OR56A4: variants seen among roughly 807,000 people sequenced by gnomAD.
The protein encoded by OR56A4 is olfactory receptor 56A4.
OR56A4 carries 9 observed loss-of-function variants against 13.6 expected under a neutral mutation model. The ratio of observed to expected loss-of-function variants is 0.66; its 90% CI spans 0.40 to 1.15. OR56A4 has a LOEUF of 1.15. Ranked by LOEUF, OR56A4 falls within the 50% of genes most tolerant of loss-of-function variation. The pLI is 0.01. For synonymous variants in OR56A4, 167 were observed against 153.9 expected (o/e 1.08, Z -0.63); for missense variants, 380 against 375.9 (o/e 1.01, Z -0.09).
Position 6,001,867 on chromosome 11 carries a change from G to A in OR56A4, c.*184C>T. ...CCAGAAAAGGGAGGTTTCCTTTCAA[G>A]CAACAGAAAACAAAGATTCACAAAT... On this transcript the variant is annotated 3_prime_UTR_variant, in exon 3 of 3. Coordinates refer to ENST00000641156, the MANE Select transcript of OR56A4 (RefSeq NM_001005179.4). 1.7e-6 allele frequency: 1 copy of A among 573,506 alleles called. No homozygotes were observed. Among genetic ancestry groups the A allele is most frequent in the South Asian group, 4.1e-5 (1 of 24,390 alleles). The allele number at this position is 573,506 out of a possible 1,614,324, so 35.5% of individuals were successfully genotyped here.
chr11:6,003,086 G>C (rs1020102370), intron 2 of OR56A4, 58 bp from the exon 3 acceptor site: 3 of 1,606,138 alleles, frequency 1.9e-6, no homozygotes, highest in Admixed American at 1.7e-5. Flanking sequence ...ACGTAGTAGA[G>C]TGTGGGTTTC....
At chr11:6,004,401 T>C (rs1448065401) in intron 2 of OR56A4, among the ~76,000 whole-genome samples, 1 of 152,244 alleles carries the variant, frequency 6.6e-6, no homozygotes, top group East Asian at 1.9e-4. Flanking sequence ...GTAATCAGCA[T>C]AGCTACAATG....
chr11:6,002,606 G>C lies in OR56A4; in HGVS notation c.387C>G (p.Ile129Met). The C allele has an allele frequency of 1.9e-6, 3 of 1,614,216 alleles. No homozygotes were observed. The highest frequency in any genetic ancestry group is 2.5e-6 in the Non-Finnish European group (3 of 1,180,004). ...TAGACGGGTATCTCAATGGATGGCA[G>C]ATGGCCACATAACGGTCATAGGCCA... is the stretch of plus-strand genomic sequence containing the variant. ...MVMAYDRYVA[I>M]CHPLRYPSII... The change falls in exon 3 of 3, where the codon ATC becomes ATG. Residue 129 changes from isoleucine (I) to methionine (M), a missense_variant. Ile to Met is a conservative substitution (Grantham distance 10, BLOSUM62 1). Coordinates refer to ENST00000641156, the MANE Select transcript of OR56A4 (RefSeq NM_001005179.4).
Position 6,002,069 on chromosome 11 carries a change from G to T in OR56A4, c.924C>A (p.Asn308Lys). 6.3e-7 allele frequency: 1 copy of T among 1,594,098 alleles called. No individual in the cohort carries two copies. Among genetic ancestry groups the T allele is most frequent in the Non-Finnish European group, 8.5e-7 (1 of 1,170,948 alleles). ...RTKEIKQGIQ[N>K]LLKRL is the part of the protein sequence containing the mutation. ...TTTATTCTTACAACCTCTTCAGCAG[G>T]TTTTGGATTCCCTGCTTGATCTCCT... Residue 308 changes from asparagine to lysine, a missense_variant, in exon 3 of 3, where the codon AAC becomes AAA. Transcript: ENST00000641156.
intron 2 of OR56A4, 138 bp from the exon 3 acceptor site, chr11:6,003,166 CAAGT>C: frequency 6.6e-7 from 1 of 1,505,274 alleles, no homozygotes; most frequent in Non-Finnish European, 9.0e-7. Flanking sequence ...TATATTTAAC[CAAGT>C]ATGTATCATA....
In OR56A4 at chr11:6,002,912, C is replaced by G. The variant is rs768362201; in HGVS notation, c.81G>C (p.Gln27His). The change falls in exon 3 of 3, where the codon CAG (glutamine) becomes CAC (histidine). Residue 27 changes from glutamine (Q) to histidine (H), a missense_variant. Gln to His is a conservative substitution (Grantham distance 24). Coordinates refer to ENST00000641156, the MANE Select transcript of OR56A4 (RefSeq NM_001005179.4). ...GGCTGAGGGGCAGAGACAACCAGTG[C>G]TGCCAGCTCTGGAAGTTGGGGAAGC... ...LICFPNFQSW[Q>H]HWLSLPLSLL... 1.4e-5 allele frequency: 23 copies of G among 1,613,780 alleles called. No homozygotes were observed. Among genetic ancestry groups the G allele is most frequent in the Non-Finnish European group, 1.4e-5 (16 of 1,179,924 alleles).
In OR56A4 at chr11:6,000,843, A is replaced by G. The variant is rs1848208729; in HGVS notation, c.*1208T>C. ...TAGGGCTAGAATATAGCAGGTCTGT[A>G]ATAAAAAATGCTGTAACATATTAAA... is the stretch of plus-strand genomic sequence containing the variant. On this transcript the variant is annotated 3_prime_UTR_variant, in exon 3 of 3. Coordinates refer to ENST00000641156, the MANE Select transcript of OR56A4 (RefSeq NM_001005179.4). The G allele has an allele frequency of 6.6e-6, 1 of 152,212 alleles. No individual in the cohort carries two copies. Among genetic ancestry groups the G allele is most frequent in the African/African-American group, 2.4e-5 (1 of 41,454 alleles). 9.4% of individuals were successfully genotyped at this position (152,212 alleles called of 1,614,324 possible).
chr11:6,005,596 AT>A (rs1848252432), intron 2 of OR56A4, among the ~76,000 whole-genome samples: 1 of 152,226 alleles, frequency 6.6e-6, no homozygotes, highest in South Asian at 2.1e-4. Context: ...CTAAAACAAA[AT>A]GCCATAAACT....
rs778256994 is a variant in OR56A4, at chr11:6,002,968, T to C, written c.25A>G (p.Thr9Ala). Residue 9 changes from threonine (T) to alanine (A), a missense_variant, in exon 3 of 3, where the codon ACT becomes GCT. Thr to Ala is a moderately conservative substitution (Grantham distance 58). Transcript: ENST00000641156. Reference protein sequence around the residue: MASPSNDSTAPVSEFLLIC... With the variant: MASPSNDSAAPVSEFLLIC... ...AGGAGGAATTCAGAGACTGGGGCAG[T>C]GGAGTCATTGCTGGGAGATGCCATG... 4 of 1,614,044 alleles carry C rather than the reference T, an allele frequency of 2.5e-6. No homozygotes were observed. The highest frequency in any genetic ancestry group is 3.4e-6 in the Non-Finnish European group (4 of 1,179,946).
Position 6,002,012 on chromosome 11 carries a change from A to T in OR56A4, c.*39T>A. 6.7e-7 allele frequency: 1 copy of T among 1,493,404 alleles called. No individual in the cohort carries two copies. Among genetic ancestry groups the T allele is most frequent in the Non-Finnish European group, 8.9e-7 (1 of 1,121,492 alleles). 92.5% of individuals were successfully genotyped at this position (1,493,404 alleles called of 1,614,324 possible). ...TCCCTATTTCCCAATTTTCACTAACAATTAACAACTCTAAAGGTGGATCTA... is the reference window on the plus strand; with the variant it reads ...TCCCTATTTCCCAATTTTCACTAACTATTAACAACTCTAAAGGTGGATCTA... On this transcript the variant is annotated 3_prime_UTR_variant, in exon 3 of 3. Coordinates refer to ENST00000641156, the MANE Select transcript of OR56A4 (RefSeq NM_001005179.4).
At chr11:6,005,917 A>G (rs1456061926) in intron 2 of OR56A4, among the ~76,000 whole-genome samples, 1 of 152,236 alleles carries the variant, frequency 6.6e-6, no homozygotes, top group African/African-American at 2.4e-5. Context: ...CGAGGACACA[A>G]ACACTGAGAC....
intron 2 of OR56A4, 133 bp from the exon 3 acceptor site, chr11:6,003,161 T>A (rs186462970): frequency 6.6e-7 from 1 of 1,522,900 alleles, no homozygotes; most frequent in East Asian, 2.3e-5. Flanking sequence ...TCCCTTATAT[T>A]TAACCAAGTA....
At chr11:6,006,831 T>C (rs1848262821) in intron 1 of OR56A4, 87 bp downstream of exon 1, 1 of 152,266 alleles carries the variant, frequency 6.6e-6, no homozygotes, top group Admixed American at 6.5e-5. Context: ...GAGTTCTATA[T>C]CCTTTTCACA....
Position 6,002,559 on chromosome 11 carries a change from G to A in OR56A4, c.434C>T (p.Ala145Val), listed in dbSNP as rs1848223077. 1.2e-6 allele frequency: 2 copies of A among 1,614,240 alleles called. No homozygotes were observed. Among genetic ancestry groups the A allele is most frequent in the Non-Finnish European group, 8.5e-7 (1 of 1,180,042 alleles). ...YPSIITDQFV[A>V]RAVVFVIARN... ...GGCTATAACAAAGACCACGGCCCTA[G>A]CCACAAACTGGTCAGTGATGATAGA... is the stretch of plus-strand genomic sequence containing the variant. The change falls in exon 3 of 3, where the codon GCT (alanine) becomes GTT (valine). Residue 145 changes from alanine to valine, a missense_variant. By Grantham distance (64) the Ala-to-Val change is moderately conservative. Coordinates refer to ENST00000641156, the MANE Select transcript of OR56A4 (RefSeq NM_001005179.4).
intron 2 of OR56A4, 68 bp from the exon 3 acceptor site, chr11:6,003,096 C>T: frequency 6.2e-7 from 1 of 1,605,454 alleles, no homozygotes; most frequent in Non-Finnish European, 8.5e-7. Context: ...GTGTGGGTTT[C>T]CACTGAGGCC....
intron 2 of OR56A4, among the ~76,000 whole-genome samples, chr11:6,004,837 A>G (rs1486687737): frequency 6.6e-6 from 1 of 152,200 alleles, no homozygotes; most frequent in African/African-American, 2.4e-5. Context: ...GTGAGAAAAT[A>G]GTGTTTTCTT....
rs1848208791 is a variant in OR56A4 at position 6,000,851 on chromosome 11, A to G, written c.*1200T>C. The G allele has an allele frequency of 1.3e-5, 2 of 152,226 alleles. No homozygotes were observed. The highest frequency in any genetic ancestry group is 4.8e-5 in the African/African-American group (2 of 41,472). 9.4% of individuals were successfully genotyped at this position (152,226 alleles called of 1,614,324 possible). A position where few individuals can be genotyped will look rare whatever the true frequency, so the allele number is the denominator to read the frequency against. ...GAATATAGCAGGTCTGTAATAAAAA[A>G]TGCTGTAACATATTAAACATTTTAA... On this transcript the variant is annotated 3_prime_UTR_variant, in exon 3 of 3. Transcript: ENST00000641156.
rs973503489 is a variant in OR56A4, at chr11:6,002,808, A to G, written c.185T>C (p.Leu62Pro). ...GGAGAGGAGGCTGAGCAGGTAGTACAGGGGCTGGTGCAGAGAGGCCTCCAG... is the reference window on the plus strand; with the variant it reads ...GGAGAGGAGGCTGAGCAGGTAGTACGGGGGCTGGTGCAGAGAGGCCTCCAG... ...IQLEASLHQP[L>P]YYLLSLLSLL... The change falls in exon 3 of 3, where the codon CTG becomes CCG. Residue 62 changes from leucine to proline, a missense_variant. Physicochemically the swap from Leu to Pro is moderately conservative, Grantham distance 98 (BLOSUM62 -3). Coordinates refer to ENST00000641156, the MANE Select transcript of OR56A4 (RefSeq NM_001005179.4). The G allele has an allele frequency of 4.3e-6, 7 of 1,613,708 alleles. No individual in the cohort carries two copies. The highest frequency in any genetic ancestry group is 5.9e-6 in the Non-Finnish European group (7 of 1,179,946).
chr11:6,002,721 T>G lies in OR56A4; in HGVS notation c.272A>C (p.Asp91Ala), dbSNP rs192699406. The change falls in exon 3 of 3, where the codon GAC (aspartate) becomes GCC (alanine). Residue 91 changes from aspartate (D) to alanine (A), a missense_variant. Physicochemically the swap from Asp to Ala is moderately radical, Grantham distance 126 (BLOSUM62 -2). Transcript: ENST00000641156. ...GGCTGGGAAGCTGATCGACCTGAGG[T>G]CAAACCAGAAGATGGCCAGGACCTT... Reference protein sequence around the residue: ...IPKVLAIFWFDLRSISFPACF... With the variant: ...IPKVLAIFWFALRSISFPACF... 16 of 1,614,046 alleles carry G rather than the reference T, an allele frequency of 9.9e-6. No homozygotes were observed. Among genetic ancestry groups the G allele is most frequent in the Middle Eastern group, 1.7e-4 (1 of 6,060 alleles).
Sources: gnomAD v4.1 joint callset for allele counts (sites outside exome capture counted in the v4.1 genomes callset) on GRCh38, gnomAD v4.1.1 for gene constraint, MANE v1.5 for transcripts, NCBI Gene and HGNC (gene_info 2026-07-23, HGNC 2026-07-21) for gene names.